The following TLL1 variants were observed in gnomAD, a reference collection of about 807,000 sequenced individuals.
The protein encoded by TLL1 is tolloid like 1, also known as tolloid-like protein 1.
In TLL1, 49 loss-of-function variants were observed where a neutral mutation model predicts 128.2. The observed-to-expected ratio is 0.38, with a 90% CI of 0.30 to 0.48. The LOEUF (loss-of-function observed/expected upper bound fraction) is 0.48. TLL1 is among the 20% of genes least tolerant of loss of function. The pLI is 0.96. For missense variants in TLL1, 1,123 were observed against 1,242.0 expected, an observed-to-expected ratio of 0.90 and a Z score of 1.44; for synonymous variants, 454 against 418.8, an observed-to-expected ratio of 1.08 and a Z score of -1.03.
chr4:165,934,073 A>C (rs181646475), intron 1 of TLL1, among the ~76,000 whole-genome samples: 13 of 151,244 alleles, frequency 8.6e-5, no homozygotes, highest in Admixed American at 7.9e-4. Flanking sequence ...ATCTTGGCTC[A>C]CTGCAACCTC....
intron 1 of TLL1, among the ~76,000 whole-genome samples, chr4:165,903,511 C>T (rs1416318167): frequency 6.9e-6 from 1 of 145,110 alleles, no homozygotes; most frequent in South Asian, 2.2e-4. Flanking sequence ...CTCCTGGGTT[C>T]AAGCGATTCT....
intron 1 of TLL1, among the ~76,000 whole-genome samples, chr4:165,943,940 C>A (rs895129605): frequency 6.6e-6 from 1 of 152,094 alleles, no homozygotes; most frequent in Non-Finnish European, 1.5e-5. Context: ...TGTACATACA[C>A]ATTTTTAGTA....
At chr4:165,961,801 C>G (rs1037722227) in intron 1 of TLL1, among the ~76,000 whole-genome samples, 1 of 152,094 alleles carries the variant, frequency 6.6e-6, no homozygotes, top group African/African-American at 2.4e-5. Context: ...CTACCTGTCA[C>G]CATATACAGA....
At chr4:165,905,288 G>T (rs187941070) in intron 1 of TLL1, among the ~76,000 whole-genome samples, 2 of 152,228 alleles carry the variant, frequency 1.3e-5, no homozygotes, top group East Asian at 3.9e-4. Context: ...TCCCAAATTG[G>T]AAACAACCAA....
chr4:166,096,541 T>C (rs1306287181), intron 19 of TLL1, among the ~76,000 whole-genome samples: 1 of 152,096 alleles, frequency 6.6e-6, no homozygotes, highest in East Asian at 1.9e-4. Context: ...TATTCCCAGC[T>C]GTGGCTGGCG....
At chr4:165,911,514 A>G (rs1354772821) in intron 1 of TLL1, among the ~76,000 whole-genome samples, 8 of 152,174 alleles carry the variant, frequency 5.3e-5, no homozygotes, top group Admixed American at 3.3e-4. Context: ...ATCACTAAAT[A>G]CATCTGCTGT....
intron 12 of TLL1, among the ~76,000 whole-genome samples, chr4:166,053,576 A>AT (rs957491666): frequency 1.4e-4 from 22 of 151,744 alleles, no homozygotes; most frequent in African/African-American, 5.1e-4. Context: ...TTCAAAGTGT[A>AT]TTTTTTTTGT....
At chr4:166,052,961 A>ATGTG (rs139204407) in intron 12 of TLL1, among the ~76,000 whole-genome samples, 25 of 109,088 alleles carry the variant, frequency 2.3e-4, no homozygotes, top group African/African-American at 5.7e-4. Flanking sequence ...ATAAGAGGTT[A>ATGTG]TGTGTATATA....
intron 19 of TLL1, among the ~76,000 whole-genome samples, chr4:166,092,648 C>A (rs1339016179): frequency 6.6e-6 from 1 of 152,064 alleles, no homozygotes; most frequent in Non-Finnish European, 1.5e-5. Context: ...ATATCGTCAT[C>A]ATAGGTTCCA....
intron 1 of TLL1, among the ~76,000 whole-genome samples, chr4:165,986,594 A>C (rs1168016747): frequency 6.6e-6 from 1 of 152,094 alleles, no homozygotes; most frequent in Non-Finnish European, 1.5e-5. Context: ...CTACCAAACT[A>C]TTCTGAAGTT....
At chr4:166,035,159 G>A (rs902377380) in intron 9 of TLL1, among the ~76,000 whole-genome samples, 6 of 152,132 alleles carry the variant, frequency 3.9e-5, no homozygotes, top group African/African-American at 1.2e-4. Context: ...GATGACTAGT[G>A]AGTGATGATT....
chr4:166,026,674 C>T (rs1240984303), intron 9 of TLL1, among the ~76,000 whole-genome samples: 2 of 150,520 alleles, frequency 1.3e-5, no homozygotes. Context: ...ACGATAAGAG[C>T]GAAACTCTGT....
intron 1 of TLL1, among the ~76,000 whole-genome samples, chr4:165,982,735 G>GT (rs1736206304): frequency 1.7e-5 from 1 of 60,310 alleles, no homozygotes; most frequent in Non-Finnish European, 3.1e-5. Flanking sequence ...AGCAATGTAT[G>GT]TAAAAAAAAA....
chr4:166,011,640 C>T (rs1051026692), intron 7 of TLL1, among the ~76,000 whole-genome samples: 11 of 151,256 alleles, frequency 7.3e-5, no homozygotes, highest in East Asian at 1.9e-4. Flanking sequence ...TATTTTTTCT[C>T]GTTGTCCTGG....
At chr4:166,064,686 G>A (rs1740491258) in intron 15 of TLL1, among the ~76,000 whole-genome samples, 2 of 152,016 alleles carry the variant, frequency 1.3e-5, no homozygotes, top group South Asian at 4.1e-4. Context: ...CTATTCCAAA[G>A]GAAAGTCAAT....
chr4:165,965,622 C>T (rs987486559), intron 1 of TLL1, among the ~76,000 whole-genome samples: 1 of 152,192 alleles, frequency 6.6e-6, no homozygotes, highest in African/African-American at 2.4e-5. Context: ...AAGTACCCTA[C>T]ATGATCAGAG....
intron 1 of TLL1, among the ~76,000 whole-genome samples, chr4:165,932,599 C>T (rs966788732): frequency 6.6e-6 from 1 of 151,998 alleles, no homozygotes; most frequent in Non-Finnish European, 1.5e-5. Context: ...GAAGTTAGTA[C>T]TGCTTTTAAC....
chr4:166,010,785 T>G (rs1271375214), intron 7 of TLL1, among the ~76,000 whole-genome samples: 2 of 151,266 alleles, frequency 1.3e-5, no homozygotes, highest in African/African-American at 4.8e-5. Flanking sequence ...TTGGGTCTTA[T>G]GTTTATTTAT....
intron 18 of TLL1, among the ~76,000 whole-genome samples, chr4:166,085,541 C>T (rs1223482983): frequency 6.6e-6 from 1 of 151,524 alleles, no homozygotes; most frequent in East Asian, 1.9e-4. Flanking sequence ...ATGATCAGAT[C>T]ATTTTTGTCC....
Sources: gnomAD v4.1 joint callset for allele counts (sites outside exome capture counted in the v4.1 genomes callset) on GRCh38, gnomAD v4.1.1 for gene constraint, MANE v1.5 for transcripts, NCBI Gene and HGNC (gene_info 2026-07-23, HGNC 2026-07-21) for gene names.